The following PTPRD variants were observed in gnomAD, a reference collection of about 807,000 sequenced individuals.
The protein encoded by PTPRD is protein tyrosine phosphatase receptor type D.
A neutral mutation model predicts 214.5 loss-of-function variants in PTPRD; 34 were observed. That is an observed-to-expected ratio of 0.16 (90% CI 0.12 to 0.21). The LOEUF is 0.21. PTPRD is among the 10% of genes least tolerant of loss of function. PTPRD has a pLI of 1.00. For missense variants in PTPRD, 2,545 were observed against 2,398.7 expected (o/e 1.06, Z -1.27); for synonymous variants, 1,128 against 845.7 (o/e 1.33, Z -5.79).
chr9:9,773,221 C>A (rs546498239), intron 5 of PTPRD, among the ~76,000 whole-genome samples: 2 of 152,078 alleles, frequency 1.3e-5, no homozygotes, highest in African/African-American at 2.4e-5. Flanking sequence ...CTCATCCCCC[C>A]AAATGAATAG....
intron 7 of PTPRD, among the ~76,000 whole-genome samples, chr9:9,677,254 G>A (rs1413593328): frequency 6.6e-6 from 1 of 151,730 alleles, no homozygotes; most frequent in Non-Finnish European, 1.5e-5. Flanking sequence ...GGGTTTTTAT[G>A]GTTTTAGGTC....
intron 3 of PTPRD, among the ~76,000 whole-genome samples, chr9:10,078,144 A>G (rs35829989): frequency 0.22 from 33,715 of 151,824 alleles, 3,992 homozygotes; most frequent in South Asian, 0.31. Flanking sequence ...ATCTTTAAAC[A>G]TACATACATT....
chr9:10,361,027 G>A (rs189965778), intron 2 of PTPRD, among the ~76,000 whole-genome samples: 1 of 152,194 alleles, frequency 6.6e-6, no homozygotes, highest in South Asian at 2.1e-4. Flanking sequence ...GCGTGAACAC[G>A]GGAGGCGGAG....
intron 11 of PTPRD, among the ~76,000 whole-genome samples, chr9:8,809,631 T>A (rs961011815): frequency 6.6e-6 from 1 of 152,236 alleles, no homozygotes; most frequent in Non-Finnish European, 1.5e-5. Flanking sequence ...TCTGAGCAGA[T>A]ACCTGAAAAA....
At chr9:10,323,537 C>G (rs555355458) in intron 3 of PTPRD, among the ~76,000 whole-genome samples, 2 of 151,586 alleles carry the variant, frequency 1.3e-5, no homozygotes, top group African/African-American at 4.8e-5. Context: ...AACTCCTGGG[C>G]TCAAGAGATC....
Position 10,360,887 on chromosome 9 carries a change from G to A in PTPRD, c.-599-19870C>T, listed in dbSNP as rs531582272. On this transcript the variant is annotated intron_variant, in intron 2 of 45. Transcript: ENST00000381196. ...GGAGGCCAAGACGGGCAGATCGCGA[G>A]GTCAGGAGATCGAGGCCATCCTGGC... 1.9e-4 allele frequency among the ~76,000 whole-genome samples: 29 copies of A among 152,256 alleles called. 2 individuals carry two copies. The South Asian group carries it at 5.8e-3, about 30-fold the overall frequency.
intron 3 of PTPRD, among the ~76,000 whole-genome samples, chr9:10,042,063 C>G (rs1327444609): frequency 6.6e-6 from 1 of 151,988 alleles, no homozygotes; most frequent in Non-Finnish European, 1.5e-5. Context: ...AGAAATAGGG[C>G]ACTGCCCCTG....
intron 2 of PTPRD, among the ~76,000 whole-genome samples, chr9:10,341,591 G>A (rs2096940347): frequency 6.6e-6 from 1 of 151,878 alleles, no homozygotes; most frequent in Admixed American, 6.6e-5. Flanking sequence ...ATTGTAGAAT[G>A]GTCAGTATGC....
chr9:8,527,481 A>G, intron 15 of PTPRD, 128 bp from the exon 16 acceptor site: 1 of 814,648 alleles, frequency 1.2e-6, no homozygotes, highest in Admixed American at 2.4e-5. Context: ...GTGAATAATT[A>G]ATTCTTCATT....
In PTPRD at chr9:10,138,368, C is replaced by T. The variant is rs376929681; in HGVS notation, c.-544-104578G>A. Among the ~76,000 whole-genome samples, 23 of 151,992 alleles carry T rather than the reference C, an allele frequency of 1.5e-4. No homozygotes were observed. The East Asian group carries it at 3.1e-3, about 20-fold the overall frequency. On this transcript the variant is annotated intron_variant, in intron 3 of 45. Transcript: ENST00000381196. ...AATTAAAAACCTAACAGACCAATAA[C>T]GAGTTCCAAAATTAAATCAGTAATA...
chr9:10,181,761 A>G (rs999864754), intron 3 of PTPRD, among the ~76,000 whole-genome samples: 1 of 151,414 alleles, frequency 6.6e-6, no homozygotes, highest in African/African-American at 2.4e-5. Context: ...AAATTTTCTC[A>G]TTACATGGAG....
intron 43 of PTPRD, among the ~76,000 whole-genome samples, chr9:8,335,711 T>G (rs1327712814): frequency 4.6e-5 from 7 of 152,186 alleles, no homozygotes; most frequent in Non-Finnish European, 8.8e-5. Context: ...TTGTCTCTGT[T>G]TGCAGATGAC....
chr9:8,369,642 T>G lies in PTPRD; in HGVS notation c.4661+6294A>C, dbSNP rs1460317526. Among the ~76,000 whole-genome samples, 4 of 151,932 alleles carry G rather than the reference T, an allele frequency of 2.6e-5. 1 individual carries two copies. In the East Asian group the frequency reaches 7.7e-4, roughly 29 times the overall value. Reference sequence around the variant, plus strand: ...CCTTGAGACTGTTTCACTTAGAAGATCAATTCAGGAGTTGTGATCTATCCC... The same window carrying G: ...CCTTGAGACTGTTTCACTTAGAAGAGCAATTCAGGAGTTGTGATCTATCCC... On this transcript the variant is annotated intron_variant, in intron 39 of 45. Coordinates refer to ENST00000381196, the MANE Select transcript of PTPRD (RefSeq NM_002839.4).
At chr9:9,695,810 G>A (rs979944375) in intron 7 of PTPRD, among the ~76,000 whole-genome samples, 1 of 152,086 alleles carries the variant, frequency 6.6e-6, no homozygotes, top group Non-Finnish European at 1.5e-5. Context: ...CTAATATTTT[G>A]TTGAGGATGT....
intron 3 of PTPRD, among the ~76,000 whole-genome samples, chr9:10,326,886 T>C (rs1167356017): frequency 6.6e-6 from 1 of 151,484 alleles, no homozygotes; most frequent in Non-Finnish European, 1.5e-5. Flanking sequence ...TTTAAGGCAA[T>C]GTGCATTCTT....
At chr9:8,942,788 T>G (rs951794195) in intron 11 of PTPRD, among the ~76,000 whole-genome samples, 64 of 152,120 alleles carry the variant, frequency 4.2e-4, no homozygotes, top group Admixed American at 4.2e-3. Flanking sequence ...TTATTATAAA[T>G]AATTCCTCAG....
chr9:10,200,215 T>C (rs148347784), intron 3 of PTPRD, among the ~76,000 whole-genome samples: 248 of 152,142 alleles, frequency 1.6e-3, no homozygotes, highest in African/African-American at 5.4e-3. Flanking sequence ...CCAAGAAAAA[T>C]TGTCTTTCTA....
At chr9:9,939,734 C>G (rs556509123) in intron 4 of PTPRD, among the ~76,000 whole-genome samples, 8 of 152,074 alleles carry the variant, frequency 5.3e-5, no homozygotes. Flanking sequence ...AAGCTTGGAA[C>G]CACTTATTTT....
At chr9:10,565,453 A>G (rs536876050) in intron 2 of PTPRD, among the ~76,000 whole-genome samples, 258 of 152,220 alleles carry the variant, frequency 1.7e-3, no homozygotes, top group African/African-American at 6.0e-3. Context: ...AATTAGACAC[A>G]ATCTTGACTT....
Sources: allele counts gnomAD v4.1 joint callset (sites outside exome capture counted in the v4.1 genomes callset), GRCh38; gene constraint gnomAD v4.1.1; transcripts MANE v1.5; gene names NCBI Gene and HGNC (gene_info 2026-07-23, HGNC 2026-07-21).